The following LINGO2 variants were observed in gnomAD, a reference collection of about 807,000 sequenced individuals.
LINGO2 encodes the protein leucine rich repeat and Ig domain containing 2.
LINGO2 carries 14 observed loss-of-function variants against 30.6 expected under a neutral mutation model. The ratio of observed to expected loss-of-function variants is 0.46; its 90% CI spans 0.30 to 0.72. The LOEUF is 0.72. Among genes scored for constraint, LINGO2 ranks in the 30% least tolerant of loss-of-function variants. The pLI is 0.07. For missense variants in LINGO2, 729 were observed against 751.7 expected (o/e 0.97, Z 0.35); for synonymous variants, 317 against 288.5 (o/e 1.10, Z -1.00).
the LINGO2 span, among the ~76,000 whole-genome samples, chr9:28,727,588 A>T: frequency 1.3e-5 from 2 of 152,066 alleles, no homozygotes; most frequent in African/African-American, 4.8e-5. Flanking sequence ...ACGCCCGGCC[A>T]AATTAGCTAA....
chr9:28,943,726 A>G, the LINGO2 span, among the ~76,000 whole-genome samples: 1 of 152,220 alleles, frequency 6.6e-6, no homozygotes, highest in Admixed American at 6.5e-5. Flanking sequence ...TGGATGGAAA[A>G]AAAGGATAAC....
chr9:27,985,962 C>A (rs1004256499), intron 5 of LINGO2, among the ~76,000 whole-genome samples: 1 of 151,810 alleles, frequency 6.6e-6, no homozygotes, highest in African/African-American at 2.4e-5. Flanking sequence ...ACACTTCTCA[C>A]TGGAAAACTC....
chr9:28,085,437 G>A (rs1377054), intron 4 of LINGO2, among the ~76,000 whole-genome samples: 70,196 of 151,812 alleles, frequency 0.46, 16,510 homozygotes, highest in East Asian at 0.69. Flanking sequence ...CTTTTCTGAG[G>A]GCCTCTAGGG....
chr9:29,113,748 C>T, the LINGO2 span, among the ~76,000 whole-genome samples: 11 of 152,128 alleles, frequency 7.2e-5, no homozygotes, highest in African/African-American at 2.7e-4. Flanking sequence ...ATGGCTTTAC[C>T]AGTAGAATCC....
At chr9:28,644,854 T>A (rs7849979) in intron 1 of LINGO2, among the ~76,000 whole-genome samples, 52,673 of 151,346 alleles carry the variant, frequency 0.35, 9,795 homozygotes, top group African/African-American at 0.47. Flanking sequence ...CAAATTTTTT[T>A]AAAAAAATTA....
In LINGO2 at chr9:28,148,312, T is replaced by C; in HGVS notation, c.-86-135907A>G. 2.4e-6 allele frequency: 2 copies of C among 847,632 alleles called. No homozygotes were observed. Among genetic ancestry groups the C allele is most frequent in the Non-Finnish European group, 3.8e-6 (2 of 521,808 alleles). The allele number at this position is 847,632 out of a possible 1,614,324, so 52.5% of individuals were successfully genotyped here. ...CAAGGAAGAAACCCATGCTGTCTGC[T>C]CACAACTCCAGGATGTTTGGACACC... On this transcript the variant is annotated intron_variant, in intron 4 of 5. Transcript: ENST00000379992. The surrounding 1 kb of genome is among the most constrained non-coding windows in gnomAD (Gnocchi z 5.1).
intron 1 of LINGO2, among the ~76,000 whole-genome samples, chr9:28,478,750 C>T (rs1412230): frequency 0.7 from 105,764 of 151,946 alleles, 36,980 homozygotes; most frequent in South Asian, 0.77. Context: ...TCTTCTCTTA[C>T]TTACTTTGTA....
At chr9:29,188,363 G>C in the LINGO2 span, among the ~76,000 whole-genome samples, 2 of 151,988 alleles carry the variant, frequency 1.3e-5, no homozygotes, top group Non-Finnish European at 2.9e-5. Flanking sequence ...AGGATCCCAA[G>C]GCAGAAGAAT....
intron 4 of LINGO2, among the ~76,000 whole-genome samples, chr9:28,149,944 C>G (rs897816487): frequency 4.6e-5 from 7 of 151,398 alleles, no homozygotes; most frequent in Non-Finnish European, 4.4e-5. Flanking sequence ...AGTGCCTCTG[C>G]CTGGCCTCCT....
At chr9:28,805,910 C>T in the LINGO2 span, among the ~76,000 whole-genome samples, 3 of 151,986 alleles carry the variant, frequency 2.0e-5, no homozygotes, top group African/African-American at 7.2e-5. Flanking sequence ...TTCATTTTCT[C>T]ATATTATTCT....
At chr9:28,429,318 T>A in intron 2 of LINGO2, among the ~76,000 whole-genome samples, 1 of 152,170 alleles carries the variant, frequency 6.6e-6, no homozygotes, top group Non-Finnish European at 1.5e-5. Context: ...AAATTTTAGA[T>A]TAAAAAAATA....
chr9:28,491,959 T>C (rs1016388370), intron 1 of LINGO2, among the ~76,000 whole-genome samples: 1 of 152,220 alleles, frequency 6.6e-6, no homozygotes, highest in African/African-American at 2.4e-5. Context: ...ATTATTTGTA[T>C]TGTTGGCAAC....
chr9:28,191,950 A>T (rs774843758), intron 4 of LINGO2, among the ~76,000 whole-genome samples: 29 of 152,240 alleles, frequency 1.9e-4, no homozygotes, highest in Admixed American at 7.2e-4. Flanking sequence ...AGGGCTTAAA[A>T]TAACATCTAT....
At chr9:29,077,969 T>C in the LINGO2 span, among the ~76,000 whole-genome samples, 1 of 151,952 alleles carries the variant, frequency 6.6e-6, no homozygotes, top group Admixed American at 6.6e-5. Flanking sequence ...ATTCTGAATA[T>C]CCAAATGATT....
At position 28,068,126 on chromosome 9, in the gene LINGO2, G is replaced by A. The variant is rs192858832; in HGVS notation, c.-86-55721C>T. On this transcript the variant is annotated intron_variant, in intron 4 of 5. Transcript: ENST00000379992. Reference sequence around the variant, plus strand: ...GATCCCCAAATTGCTTAGACTTTATGGAATCAAATTTTTTCTTTTCATGTA... The same window carrying A: ...GATCCCCAAATTGCTTAGACTTTATAGAATCAAATTTTTTCTTTTCATGTA... 1.4e-4 allele frequency among the ~76,000 whole-genome samples: 21 copies of A among 152,202 alleles called. No individual in the cohort carries two copies. In the East Asian group the frequency reaches 3.5e-3, roughly 25 times the overall value.
the LINGO2 span, among the ~76,000 whole-genome samples, chr9:29,159,203 C>A: frequency 6.6e-6 from 1 of 152,138 alleles, no homozygotes. Context: ...CAGGAATGGG[C>A]AGAACCAAAA....
chr9:28,792,622 C>T, the LINGO2 span, among the ~76,000 whole-genome samples: 15,073 of 152,094 alleles, frequency 0.099, 809 homozygotes, highest in Middle Eastern at 0.12. Context: ...ATTTCCCTAT[C>T]ATGAAAACTT....
At chr9:29,067,760 A>G in the LINGO2 span, among the ~76,000 whole-genome samples, 1 of 150,852 alleles carries the variant, frequency 6.6e-6, no homozygotes, top group Admixed American at 6.6e-5. Context: ...TAAATGAAAA[A>G]AAAAAAAAAA....
At chr9:28,452,986 T>C (rs542650882) in intron 2 of LINGO2, among the ~76,000 whole-genome samples, 1 of 152,000 alleles carries the variant, frequency 6.6e-6, no homozygotes, top group East Asian at 1.9e-4. Context: ...ATTTGCCAAA[T>C]ATATAAAATT....
Sources: allele counts gnomAD v4.1 joint callset (sites outside exome capture counted in the v4.1 genomes callset), GRCh38; gene constraint gnomAD v4.1.1; non-coding constraint Gnocchi (gnomAD v3.1); transcripts MANE v1.5; gene names NCBI Gene and HGNC (gene_info 2026-07-23, HGNC 2026-07-21).